Variants in PC observed in about 807,000 individuals in gnomAD.
The protein encoded by PC is pyruvate carboxylase, mitochondrial.
A neutral mutation model predicts 107.8 loss-of-function variants in PC; 46 were observed. The observed-to-expected ratio is 0.43, with a 90% CI of 0.34 to 0.55. The LOEUF (loss-of-function observed/expected upper bound fraction) is 0.55. PC is among the 20% of genes least tolerant of loss of function. PC has a pLI of 0.04. For synonymous variants in PC, 662 were observed against 684.7 expected (o/e 0.97, Z 0.52); for missense variants, 1,241 against 1,643.1 (o/e 0.76, Z 4.23).
chr11:66,946,510 C>T (rs1301876218), intron 3 of PC, among the ~76,000 whole-genome samples: 1 of 152,056 alleles, frequency 6.6e-6, no homozygotes, highest in East Asian at 1.9e-4. Flanking sequence ...ATCCCAGCTA[C>T]TCGGGAGGCT....
chr11:66,946,055 C>T (rs1041067836), intron 3 of PC, among the ~76,000 whole-genome samples: 12 of 145,448 alleles, frequency 8.3e-5, no homozygotes, highest in African/African-American at 3.1e-4. Flanking sequence ...CACTGCAGTC[C>T]GCAGTCCGGC....
intron 21 of PC, 25 bp from the exon 22 acceptor site, chr11:66,849,395 G>C: frequency 1.9e-6 from 3 of 1,611,454 alleles, no homozygotes; most frequent in Non-Finnish European, 2.5e-6. Context: ...TGCAGACTCA[G>C]AGCTGGACGC....
intron 9 of PC, among the ~76,000 whole-genome samples, chr11:66,869,724 T>G (rs545600893): frequency 6.6e-6 from 1 of 152,134 alleles, no homozygotes; most frequent in Non-Finnish European, 1.5e-5. Flanking sequence ...AGGACCCCGC[T>G]GCACACCTGG....
At chr11:66,868,308 C>T (rs961477184) in intron 10 of PC, among the ~76,000 whole-genome samples, 2 of 152,172 alleles carry the variant, frequency 1.3e-5, no homozygotes, top group East Asian at 1.9e-4. Flanking sequence ...ACACACAAGA[C>T]GGAATAGTAC....
At position 66,868,787 on chromosome 11, in the gene PC, G is replaced by A. The variant is rs1482974969; in HGVS notation, c.1022+59C>T. 8.6e-6 allele frequency: 12 copies of A among 1,388,434 alleles called. No individual in the cohort carries two copies. In the Admixed American group the frequency reaches 1.3e-4, roughly 16 times the overall value. 86.0% of individuals were successfully genotyped at this position (1,388,434 alleles called of 1,614,324 possible). A position where few individuals can be genotyped will look rare whatever the true frequency, so the allele number is the denominator to read the frequency against. ...GCTGGCCCCAGGAGCCACTTCGCCTGTACTTTATGCAAATCCTAGAAGCCG... is the reference window on the plus strand; with the variant it reads ...GCTGGCCCCAGGAGCCACTTCGCCTATACTTTATGCAAATCCTAGAAGCCG... On this transcript the variant is annotated intron_variant, in intron 10 of 22. Coordinates refer to ENST00000393960, the MANE Select transcript of PC (RefSeq NM_001040716.2).
In PC at chr11:66,857,850, C is replaced by T; in HGVS notation, c.1369-4467G>A. 6.2e-7 allele frequency: 1 copy of T among 1,608,276 alleles called. No homozygotes were observed. Among genetic ancestry groups the T allele is most frequent in the Non-Finnish European group, 8.5e-7 (1 of 1,179,878 alleles). On this transcript the variant is annotated intron_variant, in intron 12 of 22. Coordinates refer to ENST00000393960, the MANE Select transcript of PC (RefSeq NM_001040716.2). The surrounding 1 kb of genome is among the most constrained non-coding windows in gnomAD (Gnocchi z 7.1). Reference sequence around the variant, plus strand: ...CGAGTCGCTCAGCACCCTCTGTGCCCACCGAGGCCTGCTGTTTGTGCCGCC... The same window carrying T: ...CGAGTCGCTCAGCACCCTCTGTGCCTACCGAGGCCTGCTGTTTGTGCCGCC...
intron 3 of PC, among the ~76,000 whole-genome samples, chr11:66,912,934 T>C (rs565721283): frequency 1.3e-5 from 2 of 152,108 alleles, no homozygotes; most frequent in East Asian, 3.9e-4. Context: ...ACAGCTGAGG[T>C]CACTGGGTAG....
intron 3 of PC, among the ~76,000 whole-genome samples, chr11:66,948,439 C>T (rs189306084): frequency 1.4e-4 from 21 of 152,262 alleles, no homozygotes; most frequent in African/African-American, 5.1e-4. Flanking sequence ...TGAATGTGTT[C>T]ACTCTCTGGA....
chr11:66,912,810 C>T (rs1948367079), intron 3 of PC, among the ~76,000 whole-genome samples: 2 of 152,186 alleles, frequency 1.3e-5, no homozygotes, highest in South Asian at 2.1e-4. Context: ...TGCCCAGCTG[C>T]CCCCAGCCTC....
intron 3 of PC, among the ~76,000 whole-genome samples, chr11:66,929,765 C>T (rs897258272): frequency 6.6e-6 from 1 of 152,136 alleles, no homozygotes; most frequent in Non-Finnish European, 1.5e-5. Context: ...GATCTTTCCA[C>T]CTTGTCCTCC....
chr11:66,884,709 G>T (rs887018197), intron 3 of PC, among the ~76,000 whole-genome samples: 2 of 152,184 alleles, frequency 1.3e-5, no homozygotes, highest in African/African-American at 4.8e-5. Flanking sequence ...ATAACTGTGA[G>T]AAATAAATGT....
intron 3 of PC, among the ~76,000 whole-genome samples, chr11:66,875,080 G>A (rs1565251061): frequency 6.6e-6 from 1 of 152,200 alleles, no homozygotes; most frequent in East Asian, 1.9e-4. Context: ...CAGTGGTTGA[G>A]GCCTCCCTTC....
Position 66,857,629 on chromosome 11 carries a change from C to T in PC, c.1369-4246G>A. On this transcript the variant is annotated intron_variant, in intron 12 of 22. Transcript: ENST00000393960. The surrounding 1 kb of genome is among the most constrained non-coding windows in gnomAD (Gnocchi z 7.1). ...GCCCTCTTGGGCCTCTGACCCAGCC[C>T]CTCCCCGGGCCAGGCTCACAGAAGC... 8.2e-7 allele frequency: 1 copy of T among 1,218,710 alleles called. No individual in the cohort carries two copies. Among genetic ancestry groups the T allele is most frequent in the South Asian group, 1.6e-5 (1 of 63,600 alleles). 75.5% of individuals were successfully genotyped at this position (1,218,710 alleles called of 1,614,324 possible).
At chr11:66,867,190 A>G (rs2135921842) in intron 10 of PC, among the ~76,000 whole-genome samples, 1 of 152,332 alleles carries the variant, frequency 6.6e-6, no homozygotes, top group South Asian at 2.1e-4. Context: ...GTTCGAGACT[A>G]GCCTGGCCAA....
In PC at chr11:66,938,953, T is replaced by G. The variant is rs544908099; in HGVS notation, c.-1+13477A>C. 2.0e-5 allele frequency among the ~76,000 whole-genome samples: 3 copies of G among 152,376 alleles called. No homozygotes were observed. The East Asian group carries it at 5.8e-4, about 29-fold the overall frequency. On this transcript the variant is annotated intron_variant, in intron 3 of 22. Coordinates refer to ENST00000393960, the MANE Select transcript of PC (RefSeq NM_001040716.2). The stretch of plus-strand genomic sequence containing the variant: ...GTTACATTTCTAGAACTGGAATTGC[T>G]GTGTTAAATGACTTGACATTTTAGG...
chr11:66,848,734 G>GA lies in PC; in HGVS notation c.*164dup, dbSNP rs762257488. 13 of 793,046 alleles carry GA rather than the reference G, an allele frequency of 1.6e-5. No individual in the cohort carries two copies. Among genetic ancestry groups the GA allele is most frequent in the African/African-American group, 3.4e-5 (2 of 58,392 alleles). 49.1% of individuals were successfully genotyped at this position (793,046 alleles called of 1,614,324 possible). A position where few individuals can be genotyped will look rare whatever the true frequency, so the allele number is the denominator to read the frequency against. ...TCCGCCGGAGGAAAGGACGATGGCT[G>GA]AAAGGAATGAACCACCGCAGGCGGT... On this transcript the variant is annotated 3_prime_UTR_variant, in exon 23 of 23. Transcript: ENST00000393960.
At chr11:66,950,972 G>A (rs1565307933) in intron 3 of PC, among the ~76,000 whole-genome samples, 1 of 151,996 alleles carries the variant, frequency 6.6e-6, no homozygotes, top group Non-Finnish European at 1.5e-5. Flanking sequence ...CGTGGAGGGT[G>A]GAGTTCTTCC....
chr11:66,890,901 T>G (rs1246505920), intron 3 of PC, among the ~76,000 whole-genome samples: 1 of 152,154 alleles, frequency 6.6e-6, no homozygotes, highest in African/African-American at 2.4e-5. Context: ...GAGTTCATTA[T>G]ACTATTTGCT....
At chr11:66,875,755 G>A (rs1408337104) in intron 3 of PC, among the ~76,000 whole-genome samples, 4 of 152,138 alleles carry the variant, frequency 2.6e-5, no homozygotes, top group Non-Finnish European at 5.9e-5. Context: ...TATGGTGAAC[G>A]TGGGTAGAGT....
Sources: gnomAD v4.1 joint callset for allele counts (sites outside exome capture counted in the v4.1 genomes callset) on GRCh38, gnomAD v4.1.1 for gene constraint, Gnocchi (gnomAD v3.1) non-coding constraint, MANE v1.5 for transcripts, NCBI Gene and HGNC (gene_info 2026-07-23, HGNC 2026-07-21) for gene names.